WIPI2: variants seen among roughly 807,000 people sequenced by gnomAD.
WIPI2 encodes the protein WD repeat domain, phosphoinositide interacting 2, also known as WD repeat domain phosphoinositide-interacting protein 2.
WIPI2 carries 28 observed loss-of-function variants against 52.3 expected under a neutral mutation model. The ratio of observed to expected loss-of-function variants is 0.54; its 90% CI spans 0.40 to 0.73. WIPI2 has a LOEUF of 0.73. Ranked by LOEUF, WIPI2 falls within the 30% of genes least tolerant of loss-of-function variation. WIPI2 has a pLI of 0.00. For missense variants in WIPI2, 506 were observed against 602.9 expected, an observed-to-expected ratio of 0.84 and a Z score of 1.68; for synonymous variants, 268 against 245.0, an observed-to-expected ratio of 1.09 and a Z score of -0.88.
chr7:5,217,222 AGT>A, intron 6 of WIPI2, 35 bp downstream of exon 6: 1 of 1,610,728 alleles, frequency 6.2e-7, no homozygotes, highest in Non-Finnish European at 8.5e-7. Context: ...AGCTCTCTAA[AGT>A]GTGGCTTTTT....
At chr7:5,191,865 C>T (rs1781498699) in intron 1 of WIPI2, among the ~76,000 whole-genome samples, 1 of 152,188 alleles carries the variant, frequency 6.6e-6, no homozygotes, top group Non-Finnish European at 1.5e-5. Flanking sequence ...GCTGTGAAGA[C>T]AGTCGCACAG....
At chr7:5,218,045 G>C (rs1370058265) in intron 7 of WIPI2, 31 bp downstream of exon 7, 1 of 1,608,522 alleles carries the variant, frequency 6.2e-7, no homozygotes, top group African/African-American at 1.3e-5. Context: ...GGGAGCACTG[G>C]TGCCAAGGCG....
chr7:5,214,167 C>A, intron 3 of WIPI2: 1 of 887,732 alleles, frequency 1.1e-6, no homozygotes, highest in Non-Finnish European at 1.5e-6. Flanking sequence ...GAAGCAATTG[C>A]AGTTTCGTAG....
intron 4 of WIPI2, among the ~76,000 whole-genome samples, chr7:5,215,538 C>CT (rs1782772332): frequency 2.0e-5 from 3 of 152,206 alleles, no homozygotes. Context: ...CCCTGGCAAT[C>CT]TGATTCTGCC....
At chr7:5,217,881 C>CA (rs1163552467) in intron 6 of WIPI2, 41 bp from the exon 7 acceptor site, 1 of 1,605,342 alleles carries the variant, frequency 6.2e-7, no homozygotes, top group African/African-American at 1.3e-5. Context: ...CGTGGGCGGT[C>CA]ACTGTGCGGT....
chr7:5,228,756 G>A (rs1783572399), intron 11 of WIPI2, among the ~76,000 whole-genome samples: 1 of 152,092 alleles, frequency 6.6e-6, no homozygotes, highest in Admixed American at 6.5e-5. Context: ...TTAGAGATAG[G>A]GTCTCACCCT....
At chr7:5,225,645 T>A (rs1173741728) in intron 8 of WIPI2, among the ~76,000 whole-genome samples, 178 bp from the exon 9 acceptor site, 3 of 152,206 alleles carry the variant, frequency 2.0e-5, no homozygotes, top group Non-Finnish European at 4.4e-5. Flanking sequence ...TTCTTAGTAT[T>A]TCCTTTTGAA....
chr7:5,214,394 C>G (rs1213549572), intron 3 of WIPI2, 141 bp from the exon 4 acceptor site: 1 of 1,606,840 alleles, frequency 6.2e-7, no homozygotes, highest in East Asian at 2.2e-5. Context: ...GTCCCCACCC[C>G]ATGACCACAT....
chr7:5,197,118 C>CATAAAAA (rs1781782532), intron 2 of WIPI2, among the ~76,000 whole-genome samples: 1 of 41,452 alleles, frequency 2.4e-5, no homozygotes, highest in African/African-American at 7.6e-5. Flanking sequence ...TCTCAAAAAA[C>CATAAAAA]AAAAAAAAAA....
chr7:5,214,456 T>G, intron 3 of WIPI2, 79 bp from the exon 4 acceptor site: 1 of 1,613,576 alleles, frequency 6.2e-7, no homozygotes, highest in Non-Finnish European at 8.5e-7. Context: ...AGGCAGGTGT[T>G]TGTTTTTGAG....
intron 3 of WIPI2, among the ~76,000 whole-genome samples, chr7:5,202,561 A>G (rs532443431): frequency 1.9e-4 from 29 of 151,746 alleles, no homozygotes; most frequent in African/African-American, 6.8e-4. Flanking sequence ...TTTTTTTTTA[A>G]TTTTTGTAGA....
Position 5,230,960 on chromosome 7 carries a change from A to T in WIPI2, c.*13A>T, listed in dbSNP as rs1248631548. 2 of 1,604,746 alleles carry T rather than the reference A, an allele frequency of 1.2e-6. No individual in the cohort carries two copies. Among genetic ancestry groups the T allele is most frequent in the East Asian group, 2.3e-5 (1 of 44,306 alleles). On this transcript the variant is annotated 3_prime_UTR_variant, in exon 13 of 13. Coordinates refer to ENST00000288828, the MANE Select transcript of WIPI2 (RefSeq NM_015610.4). This position sits in a 1 kb window ranked among gnomAD's most constrained non-coding sequence, Gnocchi z 4.8. ...TCGGACTGACTGAACTTGACCTGTG[A>T]CCTCTGACCCGGGGAGCAGAGAACA...
At chr7:5,194,277 C>G (rs557833889) in intron 2 of WIPI2, among the ~76,000 whole-genome samples, 1 of 152,298 alleles carries the variant, frequency 6.6e-6, no homozygotes, top group East Asian at 1.9e-4. Context: ...CCTCCCAGGT[C>G]TGGGCTGGCA....
At position 5,199,618 on chromosome 7, in the gene WIPI2, C is replaced by A; in HGVS notation, c.171C>A (p.Ser57=). 2 of 1,613,336 alleles carry A rather than the reference C, an allele frequency of 1.2e-6. No individual in the cohort carries two copies. Among genetic ancestry groups the A allele is most frequent in the Non-Finnish European group, 1.7e-6 (2 of 1,179,874 alleles). Residue 57 remains serine (S), a synonymous_variant, in exon 3 of 13, where the codon TCC becomes TCA. Transcript: ENST00000288828. The stretch of plus-strand genomic sequence containing the variant: ...GTAAGTCCGGTTATAAATTTTTCTC[C>A]CTTTCTTCTGTGGATAAGCTGGAAC... The part of the protein sequence containing the change: ...VGSKSGYKFF[S]LSSVDKLEQI...
rs35296190 is a variant in WIPI2 at position 5,207,768 on chromosome 7, C to CTTTT, written c.212-6749_212-6746dup. On this transcript the variant is annotated intron_variant, in intron 3 of 12. Transcript: ENST00000288828. ...TCTGATTGCTCTATGTCCTCACTAACTTTTTTTTTTTTTTTTTTTTTGAGA... is the reference window on the plus strand; with the variant it reads ...TCTGATTGCTCTATGTCCTCACTAACTTTTTTTTTTTTTTTTTTTTTTTTTGAGA... 1.4e-3 allele frequency among the ~76,000 whole-genome samples: 151 copies of CTTTT among 107,218 alleles called. 2 individuals are homozygous for CTTTT. Among genetic ancestry groups the CTTTT allele is most frequent in the East Asian group, 2.4e-3 (9 of 3,710 alleles). 70.3% of individuals were successfully genotyped at this position (107,218 alleles called of 152,430 possible).
Position 5,230,592 on chromosome 7 carries a change from C to G in WIPI2, c.1253-243C>G, listed in dbSNP as rs1783683535. 6.6e-6 allele frequency among the ~76,000 whole-genome samples: 1 copy of G among 152,152 alleles called. No individual in the cohort carries two copies. Among genetic ancestry groups the G allele is most frequent in the Non-Finnish European group, 1.5e-5 (1 of 68,028 alleles). Reference sequence around the variant, plus strand: ...AGTTTGTGGCCCGTCCATGAGGGAGCCTCTGTTTACTGTGCAGGCATCATT... The same window carrying G: ...AGTTTGTGGCCCGTCCATGAGGGAGGCTCTGTTTACTGTGCAGGCATCATT... On this transcript the variant is annotated intron_variant, in intron 12 of 12. Coordinates refer to ENST00000288828, the MANE Select transcript of WIPI2 (RefSeq NM_015610.4). This position sits in a 1 kb window ranked among gnomAD's most constrained non-coding sequence, Gnocchi z 4.8.
intron 2 of WIPI2, 52 bp from the exon 3 acceptor site, chr7:5,199,524 T>C: frequency 6.5e-7 from 1 of 1,530,354 alleles, no homozygotes; most frequent in Admixed American, 2.0e-5. Context: ...GTTTCTACAT[T>C]GTCACTGTCT....
Position 5,217,196 on chromosome 7 carries a change from C to T in WIPI2, c.576+9C>T. 1.9e-6 allele frequency: 3 copies of T among 1,613,944 alleles called. No homozygotes were observed. The highest frequency in any genetic ancestry group is 2.5e-6 in the Non-Finnish European group (3 of 1,179,872). On this transcript the variant is annotated intron_variant, in intron 6 of 12. Transcript: ENST00000288828. ...TCGATACCATTAATTTGGTGAGATGCCTTTCCTGCTCGAATAGCTCTCTAA... is the reference window on the plus strand; with the variant it reads ...TCGATACCATTAATTTGGTGAGATGTCTTTCCTGCTCGAATAGCTCTCTAA...
rs192387562 is a variant in WIPI2 at position 5,228,007 on chromosome 7, G to A, written c.1014-97G>A. The A allele has an allele frequency of 1.2e-5, 13 of 1,116,798 alleles. No individual in the cohort carries two copies. In the East Asian group the frequency reaches 3.2e-4, roughly 28 times the overall value. The allele number at this position is 1,116,798 out of a possible 1,614,324, so 69.2% of individuals were successfully genotyped here. A position where few individuals can be genotyped will look rare whatever the true frequency, so the allele number is the denominator to read the frequency against. On this transcript the variant is annotated intron_variant, in intron 10 of 12. Transcript: ENST00000288828. ...AGCTGCCCTTGTGCTCATCTTGCTGGGGTCTCTTTCCTCGCCTGCCAAAAG... is the reference window on the plus strand; with the variant it reads ...AGCTGCCCTTGTGCTCATCTTGCTGAGGTCTCTTTCCTCGCCTGCCAAAAG...
Sources: gnomAD v4.1 joint callset for allele counts (sites outside exome capture counted in the v4.1 genomes callset) on GRCh38, gnomAD v4.1.1 for gene constraint, Gnocchi (gnomAD v3.1) non-coding constraint, MANE v1.5 for transcripts, NCBI Gene and HGNC (gene_info 2026-07-23, HGNC 2026-07-21) for gene names.